TECR: variants seen among roughly 807,000 people sequenced by gnomAD.
TECR encodes the protein very-long-chain enoyl-CoA reductase.
A neutral mutation model predicts 50.6 loss-of-function variants in TECR; 19 were observed. The ratio of observed to expected loss-of-function variants is 0.38; its 90% confidence interval spans 0.26 to 0.55. The LOEUF is 0.55. Ranked by LOEUF, TECR falls within the 20% of genes least tolerant of loss-of-function variation. The probability of loss-of-function intolerance (pLI) is 0.79; values close to 1 mark genes in which losing one functional copy is unlikely to be tolerated. For missense variants in TECR, 313 were observed against 408.3 expected (o/e 0.77, Z 2.01); for synonymous variants, 168 against 163.5 (o/e 1.03, Z -0.21).
At chr19:14,536,952 T>G in intron 1 of TECR, among the ~76,000 whole-genome samples, 2 of 88,244 alleles carry the variant, frequency 2.3e-5, no homozygotes. Flanking sequence ...ACGGGGCAGA[T>G]GTGGGGAGGA....
chr19:14,550,712 G>C (rs890093375), intron 1 of TECR, among the ~76,000 whole-genome samples: 4 of 152,116 alleles, frequency 2.6e-5, no homozygotes, highest in African/African-American at 7.2e-5. Flanking sequence ...ATGGAGTCTT[G>C]CTCTGTTGCA....
chr19:14,550,218 G>A (rs1372882773), intron 1 of TECR, among the ~76,000 whole-genome samples: 1 of 152,054 alleles, frequency 6.6e-6, no homozygotes, highest in Non-Finnish European at 1.5e-5. Context: ...CTGCAAAAGA[G>A]GATGAATACA....
At chr19:14,552,560 G>A (rs1056544821) in intron 1 of TECR, among the ~76,000 whole-genome samples, 6 of 147,738 alleles carry the variant, frequency 4.1e-5, no homozygotes, top group Non-Finnish European at 9.0e-5. Context: ...TTTGAGAGGA[G>A]TCTCGTTCTG....
intron 11 of TECR, 146 bp from the exon 12 acceptor site, chr19:14,565,472 C>A: frequency 7.2e-7 from 1 of 1,394,228 alleles, no homozygotes; most frequent in Non-Finnish European, 9.8e-7. Flanking sequence ...TGGGCTTCCG[C>A]CGTATACAGC....
intron 1 of TECR, among the ~76,000 whole-genome samples, chr19:14,548,906 T>A (rs774871376): frequency 6.6e-6 from 1 of 152,136 alleles, no homozygotes. Context: ...GTGATACCAC[T>A]GTGGCAGCCA....
intron 1 of TECR, among the ~76,000 whole-genome samples, chr19:14,544,584 G>A (rs2073238122): frequency 1.3e-5 from 2 of 151,358 alleles, no homozygotes; most frequent in South Asian, 4.2e-4. Flanking sequence ...AGAGGGTTCT[G>A]CTCTTCCATG....
At chr19:14,529,428 C>CTTTA, upstream of TECR, 1 of 613,010 alleles carries the variant, frequency 1.6e-6, no homozygotes, top group Non-Finnish European at 3.0e-6. Context: ...ACAGGCGTTC[C>CTTTA]GCCCCCTTCG....
At chr19:14,557,910 C>T (rs373653925) in intron 1 of TECR, among the ~76,000 whole-genome samples, 43 of 152,054 alleles carry the variant, frequency 2.8e-4, no homozygotes, top group Admixed American at 1.3e-3. Flanking sequence ...CACCCACCAC[C>T]GCACCCGGCT....
intron 1 of TECR, among the ~76,000 whole-genome samples, chr19:14,559,644 G>C (rs2073845597): frequency 1.3e-5 from 2 of 152,056 alleles, no homozygotes; most frequent in Admixed American, 6.6e-5. Flanking sequence ...AAAATTAGCT[G>C]GATGTGGTGG....
intron 1 of TECR, among the ~76,000 whole-genome samples, chr19:14,547,360 ATTTTATTT>A (rs755739743): frequency 6.6e-6 from 1 of 151,760 alleles, no homozygotes; most frequent in Non-Finnish European, 1.5e-5. Flanking sequence ...ATTTTATTTT[ATTTTATTT>A]TATGTTTTTT....
intron 1 of TECR, among the ~76,000 whole-genome samples, chr19:14,552,428 C>G (rs987198558): frequency 6.6e-6 from 1 of 152,000 alleles, no homozygotes; most frequent in African/African-American, 2.4e-5. Flanking sequence ...GCTGGGTGGA[C>G]ACTCACATGG....
At chr19:14,532,775 C>A (rs1244071087) in intron 1 of TECR, among the ~76,000 whole-genome samples, 1 of 152,136 alleles carries the variant, frequency 6.6e-6, no homozygotes, top group Admixed American at 6.6e-5. Context: ...CTTTCACTCA[C>A]ACTTAACAAG....
chr19:14,529,278 C>T (rs548364573), upstream of TECR: 7 of 340,446 alleles, frequency 2.1e-5, no homozygotes, highest in South Asian at 1.9e-4. Flanking sequence ...AACTTCTTAC[C>T]CCGCCCCCGC....
chr19:14,560,369 G>A (rs1440798414), intron 1 of TECR, among the ~76,000 whole-genome samples: 2 of 152,158 alleles, frequency 1.3e-5, no homozygotes, highest in African/African-American at 4.8e-5. Context: ...CAGGCCACAC[G>A]GGCTTGGAAG....
rs555235639 is a variant in TECR at position 14,533,257 on chromosome 19, C to CA, written c.15+3552dup. Among the ~76,000 whole-genome samples the CA allele has an allele frequency of 5.9e-4, 89 of 151,950 alleles. No individual in the cohort carries two copies. In the South Asian group the frequency reaches 0.018, roughly 31 times the overall value. On this transcript the variant is annotated intron_variant, in intron 1 of 12. Transcript: ENST00000215567. ...CCAACATGATGAAACTCCGTCTCTA[C>CA]AAAAAATAAAAAATTAGCTGGGTGT...
intron 1 of TECR, among the ~76,000 whole-genome samples, chr19:14,543,391 ATAT>A (rs1404771370): frequency 3.4e-4 from 2 of 5,810 alleles, no homozygotes; most frequent in African/African-American, 1.3e-3. Flanking sequence ...TTCAGAGAAT[ATAT>A]ATATATATAT....
intron 1 of TECR, among the ~76,000 whole-genome samples, chr19:14,539,140 A>ATTTTTTTTT (rs57801378): frequency 2.2e-5 from 2 of 92,532 alleles, no homozygotes; most frequent in Non-Finnish European, 3.9e-5. Context: ...CGCCCGGCTA[A>ATTTTTTTTT]TTTTTTTTTT....
At chr19:14,561,920 CT>C in intron 1 of TECR, 2 of 179,600 alleles carry the variant, frequency 1.1e-5, no homozygotes, top group African/African-American at 2.4e-5. Context: ...GAGCTGCGGG[CT>C]GGGGCCTGCA....
At chr19:14,539,185 G>A (rs1398614931) in intron 1 of TECR, among the ~76,000 whole-genome samples, 19 of 129,098 alleles carry the variant, frequency 1.5e-4, no homozygotes, top group African/African-American at 3.4e-4. Context: ...TAGTAGAGAC[G>A]AAGTTTTACC....
Sources: allele counts gnomAD v4.1 joint callset (sites outside exome capture counted in the v4.1 genomes callset), GRCh38; gene constraint gnomAD v4.1.1; transcripts MANE v1.5; gene names NCBI Gene and HGNC (gene_info 2026-07-23, HGNC 2026-07-21).